The following CAMTA1 variants were observed in gnomAD, a reference collection of about 807,000 sequenced individuals.
The protein encoded by CAMTA1 is calmodulin-binding transcription activator 1.
CAMTA1 carries 27 observed loss-of-function variants against 170.9 expected under a neutral mutation model. The ratio of observed to expected loss-of-function variants is 0.16; its 90% CI spans 0.12 to 0.22. CAMTA1 has a LOEUF of 0.22. CAMTA1 is among the 10% of genes least tolerant of loss of function. The pLI is 1.00. For synonymous variants in CAMTA1, 833 were observed against 891.5 expected, an observed-to-expected ratio of 0.93 and a Z score of 1.17; for missense variants, 1,619 against 2,217.2, an observed-to-expected ratio of 0.73 and a Z score of 5.42.
chr1:7,107,118 A>T (rs1643664037), intron 4 of CAMTA1, among the ~76,000 whole-genome samples: 1 of 152,070 alleles, frequency 6.6e-6, no homozygotes, highest in South Asian at 2.1e-4. Flanking sequence ...CTGCGTGCAT[A>T]GGTTTGTAGT....
intron 5 of CAMTA1, among the ~76,000 whole-genome samples, chr1:7,417,045 G>T (rs1364946515): frequency 2.7e-5 from 4 of 148,128 alleles, no homozygotes; most frequent in African/African-American, 1.0e-4. Context: ...GTTTGCCTGG[G>T]TATCAGCAGC....
Position 7,044,282 on chromosome 1 carries a change from G to T in CAMTA1, c.235-47022G>T, listed in dbSNP as rs536670435. ...TGGGACTGGCCAAGGGTCTCACCCA[G>T]ACTAGACGGGAATGGGGGAGACCCA... On this transcript the variant is annotated intron_variant, in intron 3 of 22. Coordinates refer to ENST00000303635, the MANE Select transcript of CAMTA1 (RefSeq NM_015215.4). This position sits in a 1 kb window ranked among gnomAD's most constrained non-coding sequence, Gnocchi z 5.0. 9.8e-5 allele frequency among the ~76,000 whole-genome samples: 15 copies of T among 152,320 alleles called. No homozygotes were observed. Among genetic ancestry groups the T allele is most frequent in the Admixed American group, 7.8e-4 (12 of 15,312 alleles).
At chr1:7,604,312 G>A (rs1026503342) in intron 6 of CAMTA1, among the ~76,000 whole-genome samples, 1 of 152,190 alleles carries the variant, frequency 6.6e-6, no homozygotes, top group Non-Finnish European at 1.5e-5. Context: ...TCACTTTCAG[G>A]TACACAAATC....
chr1:7,737,377 T>C lies in CAMTA1; in HGVS notation c.3465T>C (p.Gly1155=). 6.2e-7 allele frequency: 1 copy of C among 1,614,030 alleles called. No individual in the cohort carries two copies. The highest frequency in any genetic ancestry group is 1.3e-5 in the African/African-American group (1 of 74,962). The change falls in exon 15 of 23, where the codon GGT becomes GGC. Residue 1155 remains glycine, a synonymous_variant. Coordinates refer to ENST00000303635, the MANE Select transcript of CAMTA1 (RefSeq NM_015215.4). ...RLPLGIARSR[G]HVKLAECLEH... ...CTTTGGGAATTGCCAGGTCACGGGG[T>C]CATGTGAAATTAGCAGAGTGTCTGG...
At chr1:6,801,520 T>C (rs1169353057) in intron 1 of CAMTA1, among the ~76,000 whole-genome samples, 1 of 152,128 alleles carries the variant, frequency 6.6e-6, no homozygotes, top group Non-Finnish European at 1.5e-5. Context: ...AACACTTGTT[T>C]AATAAAAATA....
At chr1:6,910,339 G>A (rs1679432290) in intron 3 of CAMTA1, among the ~76,000 whole-genome samples, 1 of 152,200 alleles carries the variant, frequency 6.6e-6, no homozygotes, top group Non-Finnish European at 1.5e-5. Flanking sequence ...TATGGCAACT[G>A]TTTTTTTCTT....
chr1:7,103,295 G>A (rs1379391357), intron 4 of CAMTA1, among the ~76,000 whole-genome samples: 1 of 136,188 alleles, frequency 7.3e-6, no homozygotes, highest in African/African-American at 2.9e-5. Context: ...TTTACGGATG[G>A]GAGGACTGAG....
At chr1:7,430,323 G>A (rs1359112026) in intron 5 of CAMTA1, among the ~76,000 whole-genome samples, 1 of 151,710 alleles carries the variant, frequency 6.6e-6, no homozygotes, top group African/African-American at 2.4e-5. Flanking sequence ...GCTGCTGATG[G>A]CAGTGGTGAT....
intron 3 of CAMTA1, among the ~76,000 whole-genome samples, chr1:6,939,967 T>C (rs967515383): frequency 6.6e-6 from 1 of 152,262 alleles, no homozygotes; most frequent in Non-Finnish European, 1.5e-5. Context: ...GTGCATCTCC[T>C]CCACTGGACT....
intron 3 of CAMTA1, among the ~76,000 whole-genome samples, chr1:6,858,778 A>C (rs980544020): frequency 2.0e-5 from 3 of 152,212 alleles, no homozygotes; most frequent in African/African-American, 7.2e-5. Flanking sequence ...TGAGGACCCC[A>C]GTGTCGTAAC....
chr1:7,738,052 A>G lies in CAMTA1; in HGVS notation c.3752A>G (p.Glu1251Gly). 6.2e-7 allele frequency: 1 copy of G among 1,614,186 alleles called. No individual in the cohort carries two copies. The highest frequency in any genetic ancestry group is 1.1e-5 in the South Asian group (1 of 91,082). ...PAPKKHKLNPEYFQTRQEKLL... is the reference protein window; with the variant it reads ...PAPKKHKLNPGYFQTRQEKLL... ...CCCAAAAAGCATAAATTGAACCCTG[A>G]GTACTTCCAGACAAGGCAGGAGAAG... The change falls in exon 16 of 23, where the codon GAG becomes GGG. Residue 1251 changes from glutamate (E) to glycine (G), a missense_variant. By Grantham distance (98) the Glu-to-Gly change is moderately conservative. Transcript: ENST00000303635. The surrounding 1 kb of genome is among the most constrained non-coding windows in gnomAD (Gnocchi z 4.9).
chr1:6,990,785 G>C (rs201854003), intron 3 of CAMTA1, among the ~76,000 whole-genome samples: 71 of 141,538 alleles, frequency 5.0e-4, no homozygotes, highest in African/African-American at 9.7e-4. Context: ...CTCTCTCTCT[G>C]TCTCTCTCTC....
chr1:7,506,977 T>G (rs11120955), intron 6 of CAMTA1, among the ~76,000 whole-genome samples: 43,386 of 149,126 alleles, frequency 0.29, 7,363 homozygotes, highest in Non-Finnish European at 0.37. Context: ...TTGCACTTGC[T>G]CTGATACTGA....
chr1:7,298,966 T>C (rs562733932), intron 5 of CAMTA1, among the ~76,000 whole-genome samples: 1 of 152,306 alleles, frequency 6.6e-6, no homozygotes, highest in African/African-American at 2.4e-5. Flanking sequence ...TTTCCTTTTG[T>C]AGCAATGAGC....
intron 4 of CAMTA1, among the ~76,000 whole-genome samples, chr1:7,207,275 A>T (rs1456973648): frequency 6.6e-6 from 1 of 152,164 alleles, no homozygotes; most frequent in Non-Finnish European, 1.5e-5. Flanking sequence ...AAGAGGAGAC[A>T]TGTTTACATT....
intron 1 of CAMTA1, among the ~76,000 whole-genome samples, chr1:6,802,455 T>A (rs1050461609): frequency 3.1e-4 from 47 of 152,230 alleles, no homozygotes; most frequent in Non-Finnish European, 1.3e-4. Flanking sequence ...GCTGATCATT[T>A]AGAGGGTCTT....
rs535041051 is a variant in CAMTA1 at position 7,036,146 on chromosome 1, G to A, written c.235-55158G>A. On this transcript the variant is annotated intron_variant, in intron 3 of 22. Coordinates refer to ENST00000303635, the MANE Select transcript of CAMTA1 (RefSeq NM_015215.4). Reference sequence around the variant, plus strand: ...GTACAGAGTAGCTGCAGTTATATCTGTAATTCTTTTTTATTTCTAAAAAAT... The same window carrying A: ...GTACAGAGTAGCTGCAGTTATATCTATAATTCTTTTTTATTTCTAAAAAAT... 3.9e-5 allele frequency among the ~76,000 whole-genome samples: 6 copies of A among 152,316 alleles called. No homozygotes were observed. In the South Asian group the frequency reaches 1.2e-3, roughly 32 times the overall value.
chr1:7,618,810 GA>G (rs1459683838), intron 6 of CAMTA1, among the ~76,000 whole-genome samples: 4 of 152,090 alleles, frequency 2.6e-5, no homozygotes, highest in Non-Finnish European at 5.9e-5. Context: ...CTTTGATATT[GA>G]ATTAGGTTAA....
At chr1:7,220,401 G>A (rs1209137989) in intron 4 of CAMTA1, among the ~76,000 whole-genome samples, 2 of 152,188 alleles carry the variant, frequency 1.3e-5, no homozygotes, top group East Asian at 1.9e-4. Context: ...TTACAAACCC[G>A]CCTTCTGCTG....
Sources: allele counts gnomAD v4.1 joint callset (sites outside exome capture counted in the v4.1 genomes callset), GRCh38; gene constraint gnomAD v4.1.1; non-coding constraint Gnocchi (gnomAD v3.1); transcripts MANE v1.5; gene names NCBI Gene and HGNC (gene_info 2026-07-23, HGNC 2026-07-21).